Variants in ATP8A2 observed in about 807,000 individuals in gnomAD.
ATP8A2 encodes phospholipid-transporting ATPase IB.
ATP8A2 carries 100 observed loss-of-function variants against 165.6 expected under a neutral mutation model. The observed-to-expected ratio is 0.60, with a 90% confidence interval of 0.51 to 0.71. The LOEUF is 0.71. ATP8A2 is among the 30% of genes least tolerant of loss of function. The pLI is 0.00. For synonymous variants in ATP8A2, 543 were observed against 548.8 expected, an observed-to-expected ratio of 0.99 and a Z score of 0.15; for missense variants, 1,227 against 1,479.5, an observed-to-expected ratio of 0.83 and a Z score of 2.80.
chr13:25,917,065 G>A (rs140364499), intron 33 of ATP8A2, among the ~76,000 whole-genome samples: 4 of 152,190 alleles, frequency 2.6e-5, no homozygotes, highest in African/African-American at 9.6e-5. Flanking sequence ...TTCTTAGTGC[G>A]TTAACAGATT....
intron 27 of ATP8A2, among the ~76,000 whole-genome samples, chr13:25,778,330 T>A (rs1353848969): frequency 6.6e-6 from 1 of 152,218 alleles, no homozygotes; most frequent in Non-Finnish European, 1.5e-5. Flanking sequence ...TGCTGACAAA[T>A]CTTAATTAAT....
intron 10 of ATP8A2, among the ~76,000 whole-genome samples, chr13:25,550,032 T>C (rs1267615851): frequency 6.6e-6 from 1 of 152,138 alleles, no homozygotes; most frequent in Non-Finnish European, 1.5e-5. Context: ...AGGTCAGGCA[T>C]GGTGGCTCAT....
chr13:25,842,089 G>A (rs1457384108), intron 30 of ATP8A2, among the ~76,000 whole-genome samples: 1 of 152,190 alleles, frequency 6.6e-6, no homozygotes, highest in Non-Finnish European at 1.5e-5. Context: ...GAGCAGATTT[G>A]CAAATGAATA....
chr13:25,559,168 G>C, intron 14 of ATP8A2, 107 bp downstream of exon 14: 1 of 740,036 alleles, frequency 1.4e-6, no homozygotes, highest in South Asian at 1.8e-5. Context: ...GTTTTGAAAG[G>C]ATAAAGTAGT....
chr13:25,702,532 A>G (rs538343672), intron 25 of ATP8A2, among the ~76,000 whole-genome samples: 166 of 152,318 alleles, frequency 1.1e-3, no homozygotes, highest in Non-Finnish European at 2.0e-3. Flanking sequence ...GGTCCAGTCC[A>G]AGGTTTTTAT....
chr13:25,404,970 G>T (rs148863681), intron 1 of ATP8A2, among the ~76,000 whole-genome samples: 1 of 152,292 alleles, frequency 6.6e-6, no homozygotes, highest in African/African-American at 2.4e-5. Context: ...AGCTAGAAAT[G>T]CCACTGAGAA....
At chr13:25,656,031 A>T (rs567727115) in intron 24 of ATP8A2, among the ~76,000 whole-genome samples, 1 of 152,306 alleles carries the variant, frequency 6.6e-6, no homozygotes, top group Non-Finnish European at 1.5e-5. Context: ...ATAGGAATTC[A>T]CAGGCAGGGT....
In ATP8A2 at chr13:25,862,395, A is replaced by G; in HGVS notation, c.3170A>G (p.Asp1057Gly). Residue 1057 changes from aspartate (D) to glycine (G), a missense_variant, in exon 33 of 37, where the codon GAT becomes GGT. Physicochemically the swap from Asp to Gly is moderately conservative, Grantham distance 94. Transcript: ENST00000381655. ...TIWPTIPIAP[D>G]MRGQATMVLS... ...TGGCCCACCATTCCCATTGCTCCAG[A>G]TATGAGAGGACAGGTAAGTACTCCT... is the stretch of plus-strand genomic sequence containing the variant. The G allele has an allele frequency of 6.2e-7, 1 of 1,613,348 alleles. No homozygotes were observed. The highest frequency in any genetic ancestry group is 8.5e-7 in the Non-Finnish European group (1 of 1,179,356).
At chr13:25,440,609 A>G (rs1419077543) in intron 1 of ATP8A2, among the ~76,000 whole-genome samples, 1 of 152,184 alleles carries the variant, frequency 6.6e-6, no homozygotes, top group Non-Finnish European at 1.5e-5. Context: ...CCGCGGCTGG[A>G]GAAGATATTG....
In ATP8A2 at chr13:26,022,390, GTGTT is replaced by G. The variant is rs1469502857; in HGVS notation, c.*2409_*2412del. Reference sequence around the variant, plus strand: ...AAATCAGAATTATGTATTTAAGTGTGTGTTTGTGTTTGTTTGGGGTTTTTGTTTC... The same window carrying G: ...AAATCAGAATTATGTATTTAAGTGTGTGTGTTTGTTTGGGGTTTTTGTTTC... On this transcript the variant is annotated 3_prime_UTR_variant, in exon 37 of 37. Transcript: ENST00000381655. 6.6e-6 allele frequency: 1 copy of G among 152,216 alleles called. No homozygotes were observed. The highest frequency in any genetic ancestry group is 1.5e-5 in the Non-Finnish European group (1 of 68,040). The allele number at this position is 152,216 out of a possible 1,614,324, so 9.4% of individuals were successfully genotyped here.
chr13:25,914,600 T>C (rs1325977142), intron 33 of ATP8A2, among the ~76,000 whole-genome samples: 1 of 152,204 alleles, frequency 6.6e-6, no homozygotes, highest in Non-Finnish European at 1.5e-5. Context: ...ACATTCTCAA[T>C]GCTGATGTAC....
intron 25 of ATP8A2, among the ~76,000 whole-genome samples, chr13:25,743,135 G>A (rs2043953008): frequency 1.3e-5 from 2 of 151,980 alleles, no homozygotes; most frequent in East Asian, 1.9e-4. Context: ...ATAAGGACTG[G>A]TGTGTCCTTA....
rs373188486 is a variant in ATP8A2 at position 25,699,276 on chromosome 13, C to T, written c.2315C>T (p.Ala772Val). Residue 772 changes from alanine (A) to valine (V), a missense_variant, in exon 25 of 37, where the codon GCG becomes GTG. Physicochemically the swap from Ala to Val is moderately conservative, Grantham distance 64. Coordinates refer to ENST00000381655, the MANE Select transcript of ATP8A2 (RefSeq NM_016529.6). ...ATCGATGGCCACACCCTGAAGTACG[C>T]GCTCTCCTTCGAAGTCCGGAGGAGT... ...LIIDGHTLKY[A>V]LSFEVRRSFL... The T allele has an allele frequency of 1.9e-6, 3 of 1,613,752 alleles. No homozygotes were observed. The highest frequency in any genetic ancestry group is 1.1e-5 in the South Asian group (1 of 90,980).
intron 1 of ATP8A2, among the ~76,000 whole-genome samples, chr13:25,463,126 GTTTTTT>G (rs386378533): frequency 7.2e-6 from 1 of 138,718 alleles, no homozygotes; most frequent in Non-Finnish European, 1.5e-5. Flanking sequence ...TTTCTGAAGT[GTTTTTT>G]TTTTTTTTTT....
chr13:25,930,050 A>G (rs1305921731), intron 33 of ATP8A2, among the ~76,000 whole-genome samples: 1 of 152,088 alleles, frequency 6.6e-6, no homozygotes, highest in Non-Finnish European at 1.5e-5. Context: ...TCCTTGCACA[A>G]CGTGGGGCTT....
intron 1 of ATP8A2, among the ~76,000 whole-genome samples, chr13:25,465,544 G>A (rs116618293): frequency 0.014 from 1,865 of 136,338 alleles, 34 homozygotes; most frequent in African/African-American, 0.045. Flanking sequence ...TATTGTTCCT[G>A]TTATTTATCA....
chr13:25,840,232 T>C (rs1270368577), intron 30 of ATP8A2, among the ~76,000 whole-genome samples: 1 of 152,054 alleles, frequency 6.6e-6, no homozygotes, highest in Non-Finnish European at 1.5e-5. Context: ...TAAAGAGACA[T>C]ATTTTTATTC....
intron 25 of ATP8A2, among the ~76,000 whole-genome samples, chr13:25,736,298 AG>A (rs1344350772): frequency 6.6e-6 from 1 of 152,222 alleles, no homozygotes; most frequent in Non-Finnish European, 1.5e-5. Flanking sequence ...CAGTGGGTTA[AG>A]ATAAGGAAAA....
At chr13:25,551,271 C>CT in intron 10 of ATP8A2, 67 bp from the exon 11 acceptor site, 2 of 1,469,278 alleles carry the variant, frequency 1.4e-6, no homozygotes, top group South Asian at 2.7e-5. Context: ...GTTTTACCTC[C>CT]TTTCCCCCAA....
Sources: gnomAD v4.1 joint callset for allele counts (sites outside exome capture counted in the v4.1 genomes callset) on GRCh38, gnomAD v4.1.1 for gene constraint, MANE v1.5 for transcripts, NCBI Gene and HGNC (gene_info 2026-07-23, HGNC 2026-07-21) for gene names.